Variants in NFATC3 observed in about 807,000 individuals in gnomAD.
The protein encoded by NFATC3 is nuclear factor of activated T cells 3.
In NFATC3, 46 loss-of-function variants were observed where a neutral mutation model predicts 98.6. The observed-to-expected ratio is 0.47, with a 90% CI of 0.37 to 0.60. The LOEUF (loss-of-function observed/expected upper bound fraction) is 0.60, where lower values mean the gene tolerates loss of function less well. NFATC3 is among the 20% of genes least tolerant of loss of function. The pLI, the probability that NFATC3 is intolerant of heterozygous loss-of-function variation, is 0.00. For missense variants in NFATC3, 1,256 were observed against 1,295.5 expected (o/e 0.97, Z 0.47); for synonymous variants, 512 against 472.2 (o/e 1.08, Z -1.09).
chr16:68,176,527 A>G (rs1400364881), intron 6 of NFATC3, among the ~76,000 whole-genome samples: 1 of 152,050 alleles, frequency 6.6e-6, no homozygotes, highest in African/African-American at 2.4e-5. Context: ...CTCTTACTGG[A>G]TATTTCGATA....
rs2038700746 is a variant in NFATC3, at chr16:68,157,933, A to G, written c.1466A>G (p.Tyr489Cys). ...TTTATTGGGACAGCAGATGATCGAT[A>G]TTTACGACCTCATGCATTTTACCAG... ...QMFIGTADDR[Y>C]LRPHAFYQVH... Residue 489 changes from tyrosine (Y) to cysteine (C), a missense_variant, in exon 4 of 10, where the codon TAT becomes TGT. Coordinates refer to ENST00000346183, the MANE Select transcript of NFATC3 (RefSeq NM_173165.3). The G allele has an allele frequency of 3.1e-6, 5 of 1,613,886 alleles. No individual in the cohort carries two copies. The highest frequency in any genetic ancestry group is 2.5e-6 in the Non-Finnish European group (3 of 1,179,882).
chr16:68,098,085 ATTTAT>A (rs796481582), intron 1 of NFATC3, among the ~76,000 whole-genome samples: 1 of 152,006 alleles, frequency 6.6e-6, no homozygotes, highest in Non-Finnish European at 1.5e-5. Context: ...GTATAGTACA[ATTTAT>A]TTTATCCATT....
chr16:68,169,342 C>T (rs1044442770), intron 5 of NFATC3, among the ~76,000 whole-genome samples: 1 of 152,128 alleles, frequency 6.6e-6, no homozygotes, highest in Admixed American at 6.5e-5. Context: ...GATCTTGGTT[C>T]ACTGCAGCCT....
intron 3 of NFATC3, among the ~76,000 whole-genome samples, chr16:68,141,735 T>G (rs1270725026): frequency 6.6e-6 from 1 of 151,982 alleles, no homozygotes; most frequent in East Asian, 1.9e-4. Flanking sequence ...TATAGTTTGC[T>G]AATATTTTCT....
chr16:68,165,864 G>C (rs2039167957), intron 4 of NFATC3, among the ~76,000 whole-genome samples: 1 of 152,168 alleles, frequency 6.6e-6, no homozygotes, highest in African/African-American at 2.4e-5. Flanking sequence ...ATCATAATTA[G>C]TTATCCATTT....
intron 1 of NFATC3, among the ~76,000 whole-genome samples, chr16:68,109,890 G>A (rs577268587): frequency 2.8e-3 from 428 of 152,198 alleles, no homozygotes; most frequent in Non-Finnish European, 5.2e-3. Context: ...CTCTGTGGTG[G>A]TTTGTATTTC....
intron 3 of NFATC3, among the ~76,000 whole-genome samples, chr16:68,145,836 A>G (rs1033896711): frequency 5.3e-5 from 8 of 152,204 alleles, no homozygotes; most frequent in Non-Finnish European, 8.8e-5. Flanking sequence ...GAATGCATGT[A>G]GAACAATGAC....
chr16:68,186,665 A>G (rs1031094769), intron 8 of NFATC3, among the ~76,000 whole-genome samples: 2 of 152,254 alleles, frequency 1.3e-5, no homozygotes, highest in Admixed American at 6.5e-5. Flanking sequence ...AAAAATGGAA[A>G]TGGGACTAGC....
chr16:68,181,429 T>C (rs756817766), intron 6 of NFATC3, 46 bp from the exon 7 acceptor site: 1 of 1,431,512 alleles, frequency 7.0e-7, no homozygotes, highest in Admixed American at 1.7e-5. Flanking sequence ...GTCTGTATGC[T>C]TTCTGATATG....
At chr16:68,102,354 A>C (rs1054884542) in intron 1 of NFATC3, among the ~76,000 whole-genome samples, 1 of 125,214 alleles carries the variant, frequency 8.0e-6, no homozygotes, top group Non-Finnish European at 1.6e-5. Context: ...CCCTGGTGAC[A>C]GTGTGAGACT....
intron 3 of NFATC3, among the ~76,000 whole-genome samples, chr16:68,135,457 C>CAAAA (rs60331468): frequency 3.8e-5 from 3 of 78,726 alleles, no homozygotes; most frequent in Admixed American, 1.5e-4. Context: ...GACTCCGTCT[C>CAAAA]AAAAAAAAAA....
intron 4 of NFATC3, among the ~76,000 whole-genome samples, chr16:68,164,530 C>A (rs892522459): frequency 6.6e-6 from 1 of 152,196 alleles, no homozygotes; most frequent in Non-Finnish European, 1.5e-5. Flanking sequence ...ATTGCCTTAG[C>A]TCTTTGCAGC....
chr16:68,178,824 CT>C (rs1218589422), intron 6 of NFATC3, among the ~76,000 whole-genome samples: 1 of 152,138 alleles, frequency 6.6e-6, no homozygotes, highest in East Asian at 1.9e-4. Context: ...CATTTAAGAG[CT>C]TTTGACTGAA....
intron 1 of NFATC3, among the ~76,000 whole-genome samples, chr16:68,109,970 C>T (rs2035856752): frequency 6.6e-6 from 1 of 152,008 alleles, no homozygotes; most frequent in African/African-American, 2.4e-5. Flanking sequence ...CTCTTTTCTT[C>T]ATTAGCCTAG....
intron 1 of NFATC3, among the ~76,000 whole-genome samples, chr16:68,115,248 G>C (rs765835343): frequency 5.3e-5 from 8 of 151,810 alleles, no homozygotes; most frequent in Non-Finnish European, 1.2e-4. Flanking sequence ...TATTTTAGTA[G>C]AGATGAGGTT....
chr16:68,208,629 C>T (rs2041247106), intron 9 of NFATC3, among the ~76,000 whole-genome samples: 1 of 152,014 alleles, frequency 6.6e-6, no homozygotes, highest in African/African-American at 2.4e-5. Context: ...ATTTGTGGGA[C>T]TGAGGCAGGA....
At chr16:68,135,457 CAAAAA>C (rs60331468) in intron 3 of NFATC3, among the ~76,000 whole-genome samples, 101 of 78,686 alleles carry the variant, frequency 1.3e-3, no homozygotes, top group South Asian at 2.2e-3. Flanking sequence ...GACTCCGTCT[CAAAAA>C]AAAAAAAAAA....
intron 4 of NFATC3, among the ~76,000 whole-genome samples, chr16:68,165,765 A>G (rs1343006439): frequency 1.3e-5 from 2 of 152,200 alleles, no homozygotes; most frequent in East Asian, 1.9e-4. Flanking sequence ...CCTCTGTGCA[A>G]TAAGCATTAG....
intron 1 of NFATC3, among the ~76,000 whole-genome samples, chr16:68,114,897 GTTTGT>G (rs2036191758): frequency 6.6e-6 from 1 of 152,050 alleles, no homozygotes; most frequent in Non-Finnish European, 1.5e-5. Context: ...TAAGGAAATC[GTTTGT>G]TTTATTTTGT....
Sources: gnomAD v4.1 joint callset for allele counts (sites outside exome capture counted in the v4.1 genomes callset) on GRCh38, gnomAD v4.1.1 for gene constraint, MANE v1.5 for transcripts, NCBI Gene and HGNC (gene_info 2026-07-23, HGNC 2026-07-21) for gene names.